Variants in NRG3 observed in about 807,000 individuals in gnomAD.
NRG3 encodes neuregulin 3.
Under a neutral mutation model 66.9 loss-of-function variants are expected in NRG3, and 31 were observed. The observed-to-expected ratio is 0.46, with a 90% CI of 0.35 to 0.63. NRG3 has a LOEUF of 0.63. NRG3 is among the 20% of genes least tolerant of loss of function. The pLI is 0.00. For missense variants in NRG3, 910 were observed against 878.9 expected (o/e 1.04, Z -0.45); for synonymous variants, 393 against 359.4 (o/e 1.09, Z -1.06).
chr10:82,864,807 C>T (rs555389287), intron 3 of NRG3, among the ~76,000 whole-genome samples: 65 of 152,220 alleles, frequency 4.3e-4, no homozygotes, highest in Non-Finnish European at 7.2e-4. Flanking sequence ...TCAGATCAAC[C>T]AAATTGGTGC....
intron 1 of NRG3, among the ~76,000 whole-genome samples, chr10:82,177,008 A>T (rs1321685515): frequency 2.6e-5 from 4 of 151,746 alleles, no homozygotes; most frequent in African/African-American, 9.7e-5. Flanking sequence ...GCCAATTAGG[A>T]CAAGTTACTC....
At chr10:82,685,729 T>C (rs1298005860) in intron 2 of NRG3, among the ~76,000 whole-genome samples, 1 of 152,242 alleles carries the variant, frequency 6.6e-6, no homozygotes, top group Non-Finnish European at 1.5e-5. Flanking sequence ...TGTACAGCCA[T>C]ATGAAAATAT....
intron 1 of NRG3, among the ~76,000 whole-genome samples, chr10:81,962,138 T>C (rs899674354): frequency 2.0e-5 from 3 of 152,248 alleles, no homozygotes; most frequent in Non-Finnish European, 1.5e-5. Context: ...AGGATCTGAA[T>C]TGGGCAGAAC....
chr10:82,200,917 G>A (rs917777691), intron 1 of NRG3, among the ~76,000 whole-genome samples: 5 of 152,066 alleles, frequency 3.3e-5, no homozygotes, highest in African/African-American at 1.2e-4. Flanking sequence ...AGACAGCTGG[G>A]CCGGGCACGT....
At chr10:82,770,560 G>C (rs1310894040) in intron 3 of NRG3, among the ~76,000 whole-genome samples, 1 of 152,158 alleles carries the variant, frequency 6.6e-6, no homozygotes, top group South Asian at 2.1e-4. Context: ...GACAGACATT[G>C]TAGAAGCAGA....
chr10:82,889,887 C>G (rs1399509217), intron 4 of NRG3, among the ~76,000 whole-genome samples: 1 of 152,140 alleles, frequency 6.6e-6, no homozygotes, highest in Non-Finnish European at 1.5e-5. Flanking sequence ...GCACTCCACC[C>G]TCACCATCTT....
intron 1 of NRG3, among the ~76,000 whole-genome samples, chr10:82,005,897 T>TTG (rs58906037): frequency 0.031 from 4,663 of 148,812 alleles, 175 homozygotes; most frequent in African/African-American, 0.092. Context: ...AATGTGTATT[T>TTG]TGTGTGTGTG....
At chr10:82,650,138 G>A (rs10885087) in intron 2 of NRG3, among the ~76,000 whole-genome samples, 65,239 of 151,986 alleles carry the variant, frequency 0.43, 14,791 homozygotes, top group Non-Finnish European at 0.51. Flanking sequence ...CAAAAGTAAT[G>A]TGACCTAGTT....
intron 1 of NRG3, among the ~76,000 whole-genome samples, chr10:82,307,591 T>G (rs938660089): frequency 1.3e-5 from 2 of 152,224 alleles, no homozygotes; most frequent in African/African-American, 4.8e-5. Flanking sequence ...TTTCACAGTG[T>G]TGACTATTTG....
chr10:82,084,502 A>ACTTTTTTTTTTTTTTT (rs11458166), intron 1 of NRG3, among the ~76,000 whole-genome samples: 1 of 145,340 alleles, frequency 6.9e-6, no homozygotes, highest in African/African-American at 2.5e-5. Context: ...CATATATGAG[A>ACTTTTTTTTTTTTTTT]TTTTTTTTTT....
intron 1 of NRG3, among the ~76,000 whole-genome samples, chr10:82,314,507 C>T (rs1214267385): frequency 1.3e-5 from 2 of 151,890 alleles, no homozygotes; most frequent in Non-Finnish European, 2.9e-5. Flanking sequence ...TCTGTAACTG[C>T]ATTAAAAAAT....
intron 1 of NRG3, among the ~76,000 whole-genome samples, chr10:82,085,518 G>A (rs891466609): frequency 1.3e-5 from 2 of 152,086 alleles, no homozygotes; most frequent in Admixed American, 1.3e-4. Context: ...GAAGGACAGA[G>A]GGCAAGCAAC....
At chr10:82,431,934 C>T (rs1436761481) in intron 2 of NRG3, among the ~76,000 whole-genome samples, 1 of 152,162 alleles carries the variant, frequency 6.6e-6, no homozygotes, top group Non-Finnish European at 1.5e-5. Flanking sequence ...ATCTGCTTAT[C>T]AAACTTATTC....
chr10:82,207,501 G>T (rs533774278), intron 1 of NRG3, among the ~76,000 whole-genome samples: 1 of 152,246 alleles, frequency 6.6e-6, no homozygotes, highest in South Asian at 2.1e-4. Context: ...GTTTATAATG[G>T]TGCCTAGCAC....
intron 5 of NRG3, among the ~76,000 whole-genome samples, chr10:82,957,062 T>C (rs1435371166): frequency 6.6e-6 from 1 of 152,022 alleles, no homozygotes; most frequent in Non-Finnish European, 1.5e-5. Context: ...CTTGGGAAGA[T>C]GCAACTAGTG....
intron 4 of NRG3, among the ~76,000 whole-genome samples, chr10:82,898,604 A>T (rs1017362053): frequency 1.3e-5 from 2 of 152,196 alleles, no homozygotes; most frequent in African/African-American, 4.8e-5. Context: ...AGAGGAAATC[A>T]GAGTGAGAAG....
intron 4 of NRG3, among the ~76,000 whole-genome samples, chr10:82,892,760 A>C (rs867112612): frequency 2.6e-5 from 4 of 151,894 alleles, no homozygotes; most frequent in African/African-American, 9.7e-5. Context: ...ACATATGCAC[A>C]TACATACCAG....
rs72825489 is a variant in NRG3, at chr10:82,223,327, C to T, written c.824-135412C>T. 1.0e-2 allele frequency among the ~76,000 whole-genome samples: 1,520 copies of T among 152,074 alleles called. 13 individuals carry two copies. The highest frequency in any genetic ancestry group is 0.013 in the Non-Finnish European group (910 of 68,006). On this transcript the variant is annotated intron_variant, in intron 1 of 8. Coordinates refer to ENST00000372141, the MANE Select transcript of NRG3 (RefSeq NM_001010848.4). Reference sequence around the variant, plus strand: ...GTGTTACTTTGAATGTATCAGAGTACTTAATTTCTCAAAAAAACATATCAC... The same window carrying T: ...GTGTTACTTTGAATGTATCAGAGTATTTAATTTCTCAAAAAAACATATCAC...
chr10:82,855,993 G>T lies in NRG3; in HGVS notation c.1028-9418G>T, dbSNP rs530802. The stretch of plus-strand genomic sequence containing the variant: ...CTAGTGTTTTCTAGATTCCAGAATT[G>T]TAGATTCAAGTGAGTAGAATTGGAA... On this transcript the variant is annotated intron_variant, in intron 3 of 8. Coordinates refer to ENST00000372141, the MANE Select transcript of NRG3 (RefSeq NM_001010848.4). Among the ~76,000 whole-genome samples the T allele has an allele frequency of 2.1e-3, 322 of 152,068 alleles. No homozygotes were observed. The Middle Eastern group carries it at 0.037, about 18-fold the overall frequency.
Sources: allele counts gnomAD v4.1 joint callset (sites outside exome capture counted in the v4.1 genomes callset), GRCh38; gene constraint gnomAD v4.1.1; transcripts MANE v1.5; gene names NCBI Gene and HGNC (gene_info 2026-07-23, HGNC 2026-07-21).